Variants in CTNNA3 observed in about 807,000 individuals in gnomAD.
The protein encoded by CTNNA3 is catenin alpha-3.
CTNNA3 carries 76 observed loss-of-function variants against 95.7 expected under a neutral mutation model. The observed-to-expected ratio is 0.79, with a 90% CI of 0.66 to 0.96. CTNNA3 has a LOEUF of 0.96. Among genes scored for constraint, CTNNA3 ranks in the 40% least tolerant of loss-of-function variants. The pLI, the probability that CTNNA3 is intolerant of heterozygous loss-of-function variation, is 0.00. For missense variants in CTNNA3, 1,191 were observed against 1,089.8 expected, an observed-to-expected ratio of 1.09 and a Z score of -1.31; for synonymous variants, 431 against 374.4, an observed-to-expected ratio of 1.15 and a Z score of -1.74.
At chr10:67,449,138 C>T (rs1846869256) in intron 5 of CTNNA3, among the ~76,000 whole-genome samples, 1 of 151,938 alleles carries the variant, frequency 6.6e-6, no homozygotes, top group African/African-American at 2.4e-5. Context: ...GGGGAAAGAT[C>T]TCTAAAATGA....
intron 9 of CTNNA3, among the ~76,000 whole-genome samples, chr10:66,729,438 C>A (rs770770512): frequency 2.6e-5 from 4 of 152,214 alleles, no homozygotes; most frequent in Non-Finnish European, 5.9e-5. Context: ...ACCCAGCAAT[C>A]CCATTACTGG....
intron 13 of CTNNA3, among the ~76,000 whole-genome samples, chr10:66,255,453 C>T (rs560781140): frequency 8.4e-4 from 128 of 152,222 alleles, no homozygotes; most frequent in African/African-American, 2.8e-3. Context: ...CCCATATGTT[C>T]AGGTCTTTTG....
chr10:67,005,743 T>G (rs1252490697), intron 7 of CTNNA3, among the ~76,000 whole-genome samples: 3 of 124,642 alleles, frequency 2.4e-5, no homozygotes, highest in Admixed American at 2.2e-4. Flanking sequence ...TGGAGTGCAA[T>G]GGTATGATCT....
In CTNNA3 at chr10:66,505,261, A is replaced by G. The variant is rs372457612; in HGVS notation, c.1531+15356T>C. On this transcript the variant is annotated intron_variant, in intron 11 of 17. Transcript: ENST00000433211. ...GACATGCCCAAACTACTCTTCAGTC[A>G]TGTAAGTACAGGCAGTAATTCAAAA... Among the ~76,000 whole-genome samples, 6 of 152,360 alleles carry G rather than the reference A, an allele frequency of 3.9e-5. No individual in the cohort carries two copies. The East Asian group carries it at 1.2e-3, about 29-fold the overall frequency.
chr10:67,635,567 A>C (rs1447599452), intron 2 of CTNNA3, among the ~76,000 whole-genome samples: 1 of 152,202 alleles, frequency 6.6e-6, no homozygotes, highest in Non-Finnish European at 1.5e-5. Flanking sequence ...AAAGACAAAA[A>C]CCACATGATT....
intron 5 of CTNNA3, among the ~76,000 whole-genome samples, chr10:67,401,432 A>G (rs1640717999): frequency 6.6e-6 from 1 of 152,200 alleles, no homozygotes; most frequent in South Asian, 2.1e-4. Flanking sequence ...TGGATTGAGA[A>G]AAGATGCAGT....
At chr10:66,747,962 T>C (rs1408177158) in intron 9 of CTNNA3, among the ~76,000 whole-genome samples, 2 of 152,150 alleles carry the variant, frequency 1.3e-5, no homozygotes, top group Non-Finnish European at 2.9e-5. Context: ...AAATGGGAGA[T>C]TCATACTGAC....
At chr10:66,865,977 C>T (rs1005365764) in intron 7 of CTNNA3, among the ~76,000 whole-genome samples, 1 of 152,010 alleles carries the variant, frequency 6.6e-6, no homozygotes, top group African/African-American at 2.4e-5. Context: ...TTTATACATT[C>T]TTATCTATAC....
At chr10:67,391,154 C>A (rs1053734426) in intron 5 of CTNNA3, among the ~76,000 whole-genome samples, 6 of 152,036 alleles carry the variant, frequency 3.9e-5, no homozygotes, top group African/African-American at 1.5e-4. Context: ...TATCTAGAAA[C>A]CCCATTGTCT....
intron 7 of CTNNA3, among the ~76,000 whole-genome samples, chr10:67,066,207 T>TTTTTTG (rs1398789630): frequency 1.3e-5 from 2 of 150,356 alleles, no homozygotes; most frequent in African/African-American, 4.9e-5. Flanking sequence ...TTTTTTTTTT[T>TTTTTTG]TTTTTGAGAC....
At chr10:66,646,069 A>G (rs928017040) in intron 9 of CTNNA3, among the ~76,000 whole-genome samples, 16 of 152,338 alleles carry the variant, frequency 1.1e-4, no homozygotes, top group Admixed American at 1.0e-3. Context: ...ACATGCATTT[A>G]TATTTCCAAA....
At chr10:66,088,794 G>T (rs1217340377) in intron 14 of CTNNA3, among the ~76,000 whole-genome samples, 1 of 151,800 alleles carries the variant, frequency 6.6e-6, no homozygotes, top group Non-Finnish European at 1.5e-5. Context: ...GTTTTCATTT[G>T]CATTTTTGTA....
At chr10:67,069,127 G>T (rs556974569) in intron 7 of CTNNA3, among the ~76,000 whole-genome samples, 68 of 151,922 alleles carry the variant, frequency 4.5e-4, no homozygotes, top group Non-Finnish European at 4.0e-4. Flanking sequence ...AGTGGCATGA[G>T]TTTAAGAGGA....
At position 67,239,462 on chromosome 10, in the gene CTNNA3, A is replaced by G. The variant is rs1301625917; in HGVS notation, c.580-19592T>C. Among the ~76,000 whole-genome samples, 3 of 152,302 alleles carry G rather than the reference A, an allele frequency of 2.0e-5. No homozygotes were observed. In the East Asian group the frequency reaches 5.8e-4, roughly 29 times the overall value. On this transcript the variant is annotated intron_variant, in intron 5 of 17. Coordinates refer to ENST00000433211, the MANE Select transcript of CTNNA3 (RefSeq NM_013266.4). ...GGCAAAAGTAACCTATCATTTTAAA[A>G]ATCAAAATAGTGGTTATTCTTTGGG...
chr10:67,434,941 C>T (rs1419417397), intron 5 of CTNNA3, among the ~76,000 whole-genome samples: 1 of 151,880 alleles, frequency 6.6e-6, no homozygotes, highest in Non-Finnish European at 1.5e-5. Context: ...AGAAAGTAAC[C>T]TTAGCAATAA....
intron 9 of CTNNA3, among the ~76,000 whole-genome samples, chr10:66,647,678 A>T (rs199523389): frequency 3.5e-5 from 5 of 142,370 alleles, no homozygotes; most frequent in East Asian, 2.1e-4. Flanking sequence ...GCCCAGCTAA[A>T]TTTTTTTTTT....
chr10:67,005,976 G>C (rs938308306), intron 7 of CTNNA3, among the ~76,000 whole-genome samples: 1 of 151,770 alleles, frequency 6.6e-6, no homozygotes, highest in African/African-American at 2.4e-5. Context: ...GTGAGCCATC[G>C]CACCCAACCT....
chr10:67,061,817 T>C (rs1484325069), intron 7 of CTNNA3, among the ~76,000 whole-genome samples: 5 of 152,294 alleles, frequency 3.3e-5, no homozygotes, highest in Admixed American at 1.3e-4. Context: ...AAATTCCTCA[T>C]TGGCAGATAA....
chr10:67,421,891 A>G (rs1845760179), intron 5 of CTNNA3, among the ~76,000 whole-genome samples: 1 of 152,226 alleles, frequency 6.6e-6, no homozygotes, highest in African/African-American at 2.4e-5. Context: ...GAAAATATAT[A>G]CATAGAAATA....
Sources: allele counts gnomAD v4.1 joint callset (sites outside exome capture counted in the v4.1 genomes callset), GRCh38; gene constraint gnomAD v4.1.1; transcripts MANE v1.5; gene names NCBI Gene and HGNC (gene_info 2026-07-23, HGNC 2026-07-21).